ANXA10: variants seen among roughly 807,000 people sequenced by gnomAD.
ANXA10 encodes the protein annexin A10.
In ANXA10, 49 loss-of-function variants were observed where a neutral mutation model predicts 53.5. That is an observed-to-expected ratio of 0.92 (90% CI 0.73 to 1.16). The LOEUF is 1.16. Among genes scored for constraint, ANXA10 ranks in the 50% most tolerant of loss-of-function variants. The probability of loss-of-function intolerance (pLI) is 0.00; values close to 1 mark genes in which losing one functional copy is unlikely to be tolerated. For missense variants in ANXA10, 393 were observed against 394.4 expected (o/e 1.00, Z 0.03); for synonymous variants, 131 against 128.9 (o/e 1.02, Z -0.11).
At chr4:168,132,023 T>C (rs1731163744) in intron 2 of ANXA10, among the ~76,000 whole-genome samples, 1 of 152,092 alleles carries the variant, frequency 6.6e-6, no homozygotes, top group Non-Finnish European at 1.5e-5. Flanking sequence ...ACATTGTTTC[T>C]GGGAATGTAC....
At chr4:168,117,744 T>C (rs1730916630) in intron 1 of ANXA10, among the ~76,000 whole-genome samples, 3 of 152,200 alleles carry the variant, frequency 2.0e-5, no homozygotes, top group Admixed American at 2.0e-4. Context: ...GAGCTATACA[T>C]ACATTGAAGA....
At chr4:168,150,710 T>C (rs1731481695) in intron 3 of ANXA10, among the ~76,000 whole-genome samples, 1 of 152,096 alleles carries the variant, frequency 6.6e-6, no homozygotes, top group African/African-American at 2.4e-5. Flanking sequence ...AACATGGTGG[T>C]GTTAGCATGT....
intron 3 of ANXA10, among the ~76,000 whole-genome samples, chr4:168,155,786 TTA>T (rs1491279025): frequency 0.015 from 289 of 19,092 alleles, 39 homozygotes; most frequent in African/African-American, 0.072. Flanking sequence ...ATATTATATA[TTA>T]TATATAATAT....
intron 3 of ANXA10, among the ~76,000 whole-genome samples, chr4:168,153,436 A>AAAAAAC (rs1210044664): frequency 6.8e-5 from 4 of 58,654 alleles, no homozygotes; most frequent in African/African-American, 1.2e-4. Context: ...AAAAAAAAAA[A>AAAAAAC]AAAAACAAAA....
intron 5 of ANXA10, among the ~76,000 whole-genome samples, chr4:168,164,943 C>T (rs188135187): frequency 2.0e-4 from 30 of 152,192 alleles, no homozygotes; most frequent in African/African-American, 7.2e-4. Context: ...AAGTATTGGG[C>T]TGGGCAGCAT....
Position 168,184,618 on chromosome 4 carries a change from C to A in ANXA10, c.843C>A (p.Asp281Glu), listed in dbSNP as rs1732327589. ...IRILIARSEI[D>E]LLTIRKRYKE... ...TTCTCATTGCCAGAAGTGAAATAGA[C>A]CTGCTGACCATAAGGAAACGATACA... Residue 281 changes from aspartate to glutamate, a missense_variant, in exon 11 of 12, where the codon GAC becomes GAA. By Grantham distance (45) the Asp-to-Glu change is conservative. Coordinates refer to ENST00000359299, the MANE Select transcript of ANXA10 (RefSeq NM_007193.5). 1 of 1,613,884 alleles carries A rather than the reference C, an allele frequency of 6.2e-7. No homozygotes were observed. The highest frequency in any genetic ancestry group is 8.5e-7 in the Non-Finnish European group (1 of 1,179,854).
intron 1 of ANXA10, among the ~76,000 whole-genome samples, chr4:168,126,683 G>C (rs561899418): frequency 1.4e-4 from 22 of 152,058 alleles, no homozygotes; most frequent in African/African-American, 5.3e-4. Context: ...ATTTATTTCT[G>C]TTTTGTTTTC....
Position 168,140,856 on chromosome 4 carries a change from G to A in ANXA10, c.195+1276G>A, listed in dbSNP as rs570142778. On this transcript the variant is annotated intron_variant, in intron 3 of 11. Coordinates refer to ENST00000359299, the MANE Select transcript of ANXA10 (RefSeq NM_007193.5). ...GCTGGTCTCGACCTCCTGACCTCAG[G>A]TGGTCTGCCCACCTCGGCCTCCCAA... Among the ~76,000 whole-genome samples, 17 of 152,292 alleles carry A rather than the reference G, an allele frequency of 1.1e-4. 1 individual carries two copies. The South Asian group carries it at 3.5e-3, about 32-fold the overall frequency.
chr4:168,122,676 C>G (rs1304944452), intron 1 of ANXA10, among the ~76,000 whole-genome samples: 1 of 152,092 alleles, frequency 6.6e-6, no homozygotes, highest in African/African-American at 2.4e-5. Flanking sequence ...GGAGGTTGCC[C>G]GTCACATGGC....
At chr4:168,115,883 G>T (rs1384105055) in intron 1 of ANXA10, among the ~76,000 whole-genome samples, 2 of 152,148 alleles carry the variant, frequency 1.3e-5, no homozygotes, top group Non-Finnish European at 1.5e-5. Context: ...GATGCCTAGA[G>T]CATAGCCTGC....
At chr4:168,128,964 ATT>A (rs1731117043) in intron 2 of ANXA10, among the ~76,000 whole-genome samples, 1 of 151,794 alleles carries the variant, frequency 6.6e-6, no homozygotes, top group African/African-American at 2.4e-5. Context: ...TATATATATA[ATT>A]TTTAAGATAT....
At chr4:168,127,771 C>T (rs1484890043) in intron 1 of ANXA10, 1 of 515,856 alleles carries the variant, frequency 1.9e-6, no homozygotes, top group East Asian at 4.4e-5. Flanking sequence ...TTTAAACACA[C>T]AGAATATACT....
At chr4:168,136,813 A>G (rs1731244932) in intron 2 of ANXA10, among the ~76,000 whole-genome samples, 1 of 152,226 alleles carries the variant, frequency 6.6e-6, no homozygotes, top group Admixed American at 6.5e-5. Flanking sequence ...TGGGGGCTCC[A>G]ACCCCACATT....
At chr4:168,179,629 T>C (rs1732201310) in intron 9 of ANXA10, among the ~76,000 whole-genome samples, 1 of 152,228 alleles carries the variant, frequency 6.6e-6, no homozygotes, top group Non-Finnish European at 1.5e-5. Flanking sequence ...ATCCATTTTA[T>C]CTTTACTGAC....
chr4:168,181,799 G>A (rs927588731), intron 10 of ANXA10, 58 bp downstream of exon 10: 15 of 1,248,458 alleles, frequency 1.2e-5, no homozygotes, highest in Non-Finnish European at 1.6e-5. Flanking sequence ...TTTCTCAAAG[G>A]ATTAATTTTA....
intron 1 of ANXA10, among the ~76,000 whole-genome samples, chr4:168,122,530 C>A (rs946222323): frequency 6.6e-6 from 1 of 152,108 alleles, no homozygotes. Flanking sequence ...TAAAGAAATA[C>A]CTGAGACTGA....
At position 168,179,316 on chromosome 4, in the gene ANXA10, A is replaced by C; in HGVS notation, c.724+4A>C. The C allele has an allele frequency of 6.3e-7, 1 of 1,587,568 alleles. No homozygotes were observed. Among genetic ancestry groups the C allele is most frequent in the Non-Finnish European group, 8.6e-7 (1 of 1,158,420 alleles). ...CAGGAGCTGCTGGTTGCAATTGGTAAGTAATAAATTATTTGAAGCACAACA... is the reference window on the plus strand; with the variant it reads ...CAGGAGCTGCTGGTTGCAATTGGTACGTAATAAATTATTTGAAGCACAACA... On this transcript the variant is annotated splice_donor_region_variant and intron_variant, in intron 9 of 11. Coordinates refer to ENST00000359299, the MANE Select transcript of ANXA10 (RefSeq NM_007193.5).
chr4:168,139,676 T>C, intron 3 of ANXA10, 96 bp downstream of exon 3: 2 of 791,674 alleles, frequency 2.5e-6, no homozygotes, highest in South Asian at 1.8e-5. Flanking sequence ...ATCTCACAGA[T>C]TGCAAATATC....
chr4:168,176,522 G>A (rs1732130666), intron 6 of ANXA10, among the ~76,000 whole-genome samples: 2 of 152,062 alleles, frequency 1.3e-5, no homozygotes, highest in South Asian at 2.1e-4. Flanking sequence ...ACTCAATCTG[G>A]CAAGCTTCCC....
Sources: gnomAD v4.1 joint callset for allele counts (sites outside exome capture counted in the v4.1 genomes callset) on GRCh38, gnomAD v4.1.1 for gene constraint, MANE v1.5 for transcripts, NCBI Gene and HGNC (gene_info 2026-07-23, HGNC 2026-07-21) for gene names.